Variants in ASB16 observed in about 807,000 individuals in gnomAD.
ASB16 encodes the protein ankyrin repeat and SOCS box protein 16.
ASB16 carries 44 observed loss-of-function variants against 39.1 expected under a neutral mutation model. That is an observed-to-expected ratio of 1.13 (90% CI 0.88 to 1.45). The LOEUF is 1.45. ASB16 is among the 40% of genes most tolerant of loss of function. The pLI, the probability that ASB16 is intolerant of heterozygous loss-of-function variation, is 0.00. For missense variants in ASB16, 698 were observed against 634.5 expected (o/e 1.10, Z -1.07); for synonymous variants, 305 against 286.7 (o/e 1.06, Z -0.64).
chr17:44,177,391 A>G lies in ASB16; in HGVS notation c.1062+161A>G, dbSNP rs868085495. ...TGGGAGGGGGAGAGAGGATTCTGGG[A>G]GAGAGAGTCCAAGGGAGGGAAGAGC... On this transcript the variant is annotated intron_variant, in intron 3 of 4. Transcript: ENST00000293414. 3.3e-6 allele frequency: 4 copies of G among 1,218,000 alleles called. 1 individual carries two copies. The South Asian group carries it at 4.9e-5, about 15-fold the overall frequency. 75.4% of individuals were successfully genotyped at this position (1,218,000 alleles called of 1,614,324 possible). A position where few individuals can be genotyped will look rare whatever the true frequency, so the allele number is the denominator to read the frequency against.
chr17:44,177,359 C>T, intron 3 of ASB16, 129 bp downstream of exon 3: 1 of 1,344,000 alleles, frequency 7.4e-7, no homozygotes, highest in Non-Finnish European at 9.9e-7. Context: ...GGGGGCTGTC[C>T]CCAGCTTGGG....
At position 44,172,095 on chromosome 17, in the gene ASB16, C is replaced by CGCTCT; in HGVS notation, c.354_355insCTGCT (p.Thr119LeufsTer14). 11 of 1,611,664 alleles carry CGCTCT rather than the reference C, an allele frequency of 6.8e-6. No individual in the cohort carries two copies. Among genetic ancestry groups the CGCTCT allele is most frequent in the Non-Finnish European group, 9.3e-6 (11 of 1,179,942 alleles). On this transcript the variant is annotated frameshift_variant, in exon 2 of 5. Transcript: ENST00000293414. LOFTEE classifies it high-confidence loss of function. The stretch of plus-strand genomic sequence containing the variant: ...CCAAGCAGACGGCACCCCTCGCCAT[C>CGCTCT]GCTACAGCCCGAGGCTACACAGACT...
chr17:44,176,450 C>T, intron 2 of ASB16: 1 of 518,748 alleles, frequency 1.9e-6, no homozygotes, highest in East Asian at 3.6e-5. Context: ...GAGGGACTGT[C>T]TGAGGCAGTG....
Position 44,170,872 on chromosome 17 carries a change from G to A in ASB16, c.83G>A (p.Arg28Gln), listed in dbSNP as rs765664033. The part of the protein sequence containing the change: ...LQQEWLEWED[R>Q]RRAAAQQCRS... ...CAGGAGTGGCTGGAATGGGAGGACC[G>A]GCGGCGGGCGGCTGCCCAGCAGTGC... The change falls in exon 1 of 5, where the codon CGG becomes CAG. Residue 28 changes from arginine to glutamine, a missense_variant. Physicochemically the swap from Arg to Gln is conservative, Grantham distance 43 (BLOSUM62 1). Transcript: ENST00000293414. The A allele has an allele frequency of 9.4e-5, 151 of 1,611,146 alleles. No homozygotes were observed. Among genetic ancestry groups the A allele is most frequent in the Middle Eastern group, 3.7e-4 (2 of 5,422 alleles).
intron 1 of ASB16, 116 bp downstream of exon 1, chr17:44,171,206 C>G: frequency 1.0e-5 from 11 of 1,090,308 alleles, no homozygotes; most frequent in Non-Finnish European, 1.4e-5. Context: ...CAGCCCTTTC[C>G]ACCACCTATC....
intron 2 of ASB16, among the ~76,000 whole-genome samples, chr17:44,173,853 C>T (rs868703291): frequency 6.6e-6 from 1 of 151,892 alleles, no homozygotes; most frequent in Non-Finnish European, 1.5e-5. Context: ...TGCCTCACAC[C>T]GATGTTAGGA....
chr17:44,177,489 A>G, intron 3 of ASB16, 120 bp from the exon 4 acceptor site: 1 of 1,321,376 alleles, frequency 7.6e-7, no homozygotes, highest in East Asian at 2.5e-5. Flanking sequence ...AAAAAAGGGA[A>G]GAGAGACTCA....
intron 2 of ASB16, chr17:44,176,376 G>A (rs1598123816): frequency 3.7e-6 from 1 of 270,824 alleles, no homozygotes; most frequent in South Asian, 4.0e-5. Flanking sequence ...AAAAAAAAAA[G>A]GAGACAACTG....
chr17:44,175,595 T>C (rs1417158197), intron 2 of ASB16, among the ~76,000 whole-genome samples: 1 of 152,154 alleles, frequency 6.6e-6, no homozygotes, highest in Non-Finnish European at 1.5e-5. Flanking sequence ...GGTATTTGAT[T>C]ATCAGAGTTT....
At chr17:44,175,893 C>T (rs2054283760) in intron 2 of ASB16, 1 of 152,084 alleles carries the variant, frequency 6.6e-6, no homozygotes, top group African/African-American at 2.4e-5. Flanking sequence ...AAGTGCCTGC[C>T]TTTGCTTGAA....
chr17:44,178,066 A>G (rs894834919), intron 4 of ASB16, 139 bp from the exon 5 acceptor site: 43 of 891,338 alleles, frequency 4.8e-5, no homozygotes, highest in East Asian at 7.8e-5. Flanking sequence ...CAGGGCCTCT[A>G]TGGTTCTGAA....
rs1416498804 is a variant in ASB16, at chr17:44,177,603, C to A, written c.1063-6C>A. The A allele has an allele frequency of 6.2e-7, 1 of 1,609,296 alleles. No homozygotes were observed. Among genetic ancestry groups the A allele is most frequent in the African/African-American group, 1.3e-5 (1 of 74,746 alleles). ...CATGTGCCCAAGACCCTCTTTTGAC[C>A]CCTAGATGCTGAAACACTGCGCCAA... On this transcript the variant is annotated splice_polypyrimidine_tract_variant and splice_region_variant and intron_variant, in intron 3 of 4. Coordinates refer to ENST00000293414, the MANE Select transcript of ASB16 (RefSeq NM_080863.5).
intron 1 of ASB16, 142 bp downstream of exon 1, chr17:44,171,232 A>G: frequency 1.1e-6 from 1 of 914,036 alleles, no homozygotes; most frequent in East Asian, 2.7e-5. Flanking sequence ...TCCCTCCTAA[A>G]CAGAGATGAG....
chr17:44,178,546 C>T lies in ASB16; in HGVS notation c.*156C>T. On this transcript the variant is annotated 3_prime_UTR_variant, in exon 5 of 5. Transcript: ENST00000293414. ...GGAGTGCAGTGGCGCTATCTCGGCT[C>T]ACTGCAACTTCTACCACCTAGGTTC... 2.6e-6 allele frequency: 2 copies of T among 782,378 alleles called. No homozygotes were observed. The highest frequency in any genetic ancestry group is 4.0e-6 in the Non-Finnish European group (2 of 504,436). 48.5% of individuals were successfully genotyped at this position (782,378 alleles called of 1,614,324 possible). A position where few individuals can be genotyped will look rare whatever the true frequency, so the allele number is the denominator to read the frequency against.
At chr17:44,176,449 T>C (rs926590299) in intron 2 of ASB16, 5 of 520,132 alleles carry the variant, frequency 9.6e-6, no homozygotes, top group Non-Finnish European at 1.7e-5. Flanking sequence ...GGAGGGACTG[T>C]CTGAGGCAGT....
Position 44,177,793 on chromosome 17 carries a change from A to G in ASB16, c.1176+71A>G, listed in dbSNP as rs2054321561. 1.1e-5 allele frequency: 18 copies of G among 1,571,000 alleles called. 1 individual carries two copies. In the South Asian group the frequency reaches 1.7e-4, roughly 14 times the overall value. ...GGCCTATTCCTTCAGGACCAGCCTC[A>G]TGGAGGGAGCAGCAGGAGGGCCCCT... On this transcript the variant is annotated intron_variant, in intron 4 of 4. Transcript: ENST00000293414.
Position 44,177,208 on chromosome 17 carries a change from G to A in ASB16, c.1040G>A (p.Gly347Glu), listed in dbSNP as rs1465021666. Residue 347 changes from glycine to glutamate, a missense_variant, in exon 3 of 5, where the codon GGG becomes GAG. By Grantham distance (98) the Gly-to-Glu change is moderately conservative. Transcript: ENST00000293414. ...EVLFAALLDY[G>E]AQPVRPEMLK... The stretch of plus-strand genomic sequence containing the variant: ...CTTTTCGCCGCACTGCTGGACTACG[G>A]GGCGCAGCCAGTGCGCCCTGAGGTG... 3 of 1,541,674 alleles carry A rather than the reference G, an allele frequency of 1.9e-6. No homozygotes were observed. The highest frequency in any genetic ancestry group is 2.6e-6 in the Non-Finnish European group (3 of 1,144,390).
chr17:44,170,711 C>T lies in ASB16; in HGVS notation c.-79C>T. 1 of 1,475,226 alleles carries T rather than the reference C, an allele frequency of 6.8e-7. No homozygotes were observed. The highest frequency in any genetic ancestry group is 1.4e-5 in the South Asian group (1 of 73,836). The allele number at this position is 1,475,226 out of a possible 1,614,324, so 91.4% of individuals were successfully genotyped here. ...CACGGTGGCGGGGGCAGGGTGGCTCCTCAGAGCAAGGGAGGTAGTCGGGTC... is the reference window on the plus strand; with the variant it reads ...CACGGTGGCGGGGGCAGGGTGGCTCTTCAGAGCAAGGGAGGTAGTCGGGTC... On this transcript the variant is annotated 5_prime_UTR_variant, in exon 1 of 5. Transcript: ENST00000293414.
chr17:44,177,816 C>T (rs2054322141), intron 4 of ASB16, 94 bp downstream of exon 4: 1 of 1,524,864 alleles, frequency 6.6e-7, no homozygotes, highest in Non-Finnish European at 8.8e-7. Context: ...CAGGAGGGCC[C>T]CTGGGTAGAG....
Sources: gnomAD v4.1 joint callset for allele counts (sites outside exome capture counted in the v4.1 genomes callset) on GRCh38, gnomAD v4.1.1 for gene constraint, MANE v1.5 for transcripts, NCBI Gene and HGNC (gene_info 2026-07-23, HGNC 2026-07-21) for gene names.